Variants in CHD5 observed in about 807,000 individuals in gnomAD.
CHD5 encodes chromodomain helicase DNA binding protein 5.
Under a neutral mutation model 230.3 loss-of-function variants are expected in CHD5, and 69 were observed. The observed-to-expected ratio is 0.30, with a 90% CI of 0.25 to 0.37. CHD5 has a LOEUF of 0.37. CHD5 is among the 10% of genes least tolerant of loss of function. The probability of loss-of-function intolerance (pLI) is 1.00; values close to 1 mark genes in which losing one functional copy is unlikely to be tolerated. For synonymous variants in CHD5, 1,064 were observed against 1,065.9 expected (o/e 1.00, Z 0.03); for missense variants, 1,827 against 2,622.8 (o/e 0.70, Z 6.63).
At position 6,114,877 on chromosome 1, in the gene CHD5, G is replaced by A. The variant is rs372457041; in HGVS notation, c.4913-1879C>T. ...AAAAATACAAAAATTAGGCAGGTGT[G>A]GTGGCAGGCACCTGTAATCCCAGCT... On this transcript the variant is annotated intron_variant, in intron 33 of 41. Transcript: ENST00000262450. 6.6e-5 allele frequency among the ~76,000 whole-genome samples: 10 copies of A among 152,164 alleles called. No individual in the cohort carries two copies. The East Asian group carries it at 1.2e-3, about 18-fold the overall frequency.
intron 31 of CHD5, among the ~76,000 whole-genome samples, chr1:6,123,233 A>G (rs571313827): frequency 1.3e-5 from 2 of 152,304 alleles, no homozygotes; most frequent in Admixed American, 1.3e-4. Context: ...GTGCAGTGCC[A>G]TATACACGAA....
chr1:6,142,564 G>A lies in CHD5; in HGVS notation c.2085C>T (p.Ser695=), dbSNP rs1666844448. ...GGTACGGGTGCAGTGTGCCGCCTGT[G>A]GAGTCGATGTACCATGGCTGCTTGT... ...KFDKQPWYID[S]TGGTLHPYQL... The change falls in exon 14 of 42, where the codon TCC becomes TCT. Residue 695 remains serine (S), a synonymous_variant. Transcript: ENST00000262450. The surrounding 1 kb of genome is among the most constrained non-coding windows in gnomAD (Gnocchi z 5.2). 1 of 1,613,826 alleles carries A rather than the reference G, an allele frequency of 6.2e-7. No individual in the cohort carries two copies. Among genetic ancestry groups the A allele is most frequent in the Non-Finnish European group, 8.5e-7 (1 of 1,180,020 alleles).
At position 6,108,807 on chromosome 1, in the gene CHD5, G is replaced by A. The variant is rs140857637; in HGVS notation, c.5578+988C>T. Among the ~76,000 whole-genome samples, 1,418 of 149,190 alleles carry A rather than the reference G, an allele frequency of 9.5e-3. 10 individuals carry two copies. The highest frequency in any genetic ancestry group is 0.012 in the Non-Finnish European group (793 of 67,192). ...GGGATGGAAGGATGGAGGTGTGGAA[G>A]GATGGAGGGATAAGGGATGAGGGAT... On this transcript the variant is annotated intron_variant, in intron 38 of 41. Transcript: ENST00000262450.
chr1:6,133,278 T>C (rs1436378385), intron 20 of CHD5, among the ~76,000 whole-genome samples: 2 of 152,188 alleles, frequency 1.3e-5, no homozygotes, highest in Non-Finnish European at 2.9e-5. Flanking sequence ...ACCGAGGTAC[T>C]GGGGGGATGT....
chr1:6,113,554 A>G lies in CHD5; in HGVS notation c.4913-556T>C, dbSNP rs144998434. On this transcript the variant is annotated intron_variant, in intron 33 of 41. Coordinates refer to ENST00000262450, the MANE Select transcript of CHD5 (RefSeq NM_015557.3). ...AGGGGCCCCAGGTTGGGGTGATGAG[A>G]CACCAGGAAGAAGCCTGGAGAGCTT... The G allele has an allele frequency of 3.6e-3, 882 of 245,894 alleles. 2 individuals carry two copies. Among genetic ancestry groups the G allele is most frequent in the Non-Finnish European group, 5.2e-3 (619 of 119,638 alleles). 15.2% of individuals were successfully genotyped at this position (245,894 alleles called of 1,614,324 possible). A position where few individuals can be genotyped will look rare whatever the true frequency, so the allele number is the denominator to read the frequency against.
In CHD5 at chr1:6,106,481, C is replaced by T. The variant is rs1666169556; in HGVS notation, c.5771G>A (p.Ser1924Asn). The T allele has an allele frequency of 6.4e-7, 1 of 1,555,446 alleles. No homozygotes were observed. Among genetic ancestry groups the T allele is most frequent in the Non-Finnish European group, 8.7e-7 (1 of 1,149,850 alleles). The change falls in exon 40 of 42, where the codon AGC becomes AAC. Residue 1924 changes from serine (S) to asparagine (N), a missense_variant. Ser to Asn is a conservative substitution (Grantham distance 46). Around this residue, in one of 14 missense-constraint regions of CHD5, gnomAD observed 208 missense variants for 302.0 expected, o/e 0.69. Coordinates refer to ENST00000262450, the MANE Select transcript of CHD5 (RefSeq NM_015557.3). ...QGAFGSSQMY[S>N]NNFGPNFRGP... is the part of the protein sequence containing the mutation. Reference sequence around the variant, plus strand: ...CCGGAAGTTGGGCCCAAAGTTGTTGCTGTACATCTGGGAGGAGCCGAAAGC... The same window carrying T: ...CCGGAAGTTGGGCCCAAAGTTGTTGTTGTACATCTGGGAGGAGCCGAAAGC...
chr1:6,159,624 C>A (rs1667135861), intron 2 of CHD5, 109 bp from the exon 3 acceptor site: 1 of 834,552 alleles, frequency 1.2e-6, no homozygotes, highest in Non-Finnish European at 1.9e-6. Flanking sequence ...TGGGGATCGA[C>A]CGATCCCCAT....
intron 1 of CHD5, among the ~76,000 whole-genome samples, chr1:6,174,479 T>C (rs1035519653): frequency 4.0e-5 from 6 of 150,248 alleles, no homozygotes; most frequent in African/African-American, 2.5e-5. Flanking sequence ...GGATAGATGG[T>C]GGGTAGATGG....
At chr1:6,150,002 T>C (rs972950585) in intron 7 of CHD5, among the ~76,000 whole-genome samples, 8 of 56,586 alleles carry the variant, frequency 1.4e-4, no homozygotes, top group African/African-American at 1.4e-3. Context: ...GATGGACAAA[T>C]GGATGGATGG....
chr1:6,144,791 C>T (rs920885898), intron 11 of CHD5, among the ~76,000 whole-genome samples: 4 of 152,224 alleles, frequency 2.6e-5, no homozygotes, highest in Non-Finnish European at 5.9e-5. Flanking sequence ...GACTACCCCA[C>T]ACAGCAGTGC....
Position 6,130,180 on chromosome 1 carries a change from G to A in CHD5, c.3387+24C>T, listed in dbSNP as rs750810107. 3.1e-6 allele frequency: 5 copies of A among 1,613,092 alleles called. No individual in the cohort carries two copies. The Admixed American group carries it at 8.3e-5, about 27-fold the overall frequency. On this transcript the variant is annotated intron_variant, in intron 22 of 41. Coordinates refer to ENST00000262450, the MANE Select transcript of CHD5 (RefSeq NM_015557.3). This position sits in a 1 kb window ranked among gnomAD's most constrained non-coding sequence, Gnocchi z 4.9. ...CCGGGATGAGAGGCCCCCTGGGAGG[G>A]TGGTGGGCGGCAGCAGCACAGACCT...
Position 6,125,105 on chromosome 1 carries a change from C to A in CHD5, c.4389G>T (p.Glu1463Asp). The A allele has an allele frequency of 6.3e-7, 1 of 1,587,886 alleles. No individual in the cohort carries two copies. Among genetic ancestry groups the A allele is most frequent in the Non-Finnish European group, 8.6e-7 (1 of 1,167,000 alleles). Reference protein sequence around the residue: ...VRDLRGKSEKEFRAYVSLFMR... With the variant: ...VRDLRGKSEKDFRAYVSLFMR... ...CCACCACCTAGCCCCTTTACCTAAACTCCTTCTCGCTCTTCCCTCGAAGGT... is the reference window on the plus strand; with the variant it reads ...CCACCACCTAGCCCCTTTACCTAAAATCCTTCTCGCTCTTCCCTCGAAGGT... The change falls in exon 29 of 42, where the codon GAG (glutamate) becomes GAT (aspartate). Residue 1463 changes from glutamate (E) to aspartate (D), a missense_variant. Physicochemically the swap from Glu to Asp is conservative, Grantham distance 45. This residue lies in a region of CHD5 where 108 missense variants were observed against 152.4 expected (regional missense o/e 0.71). Transcript: ENST00000262450. The surrounding 1 kb of genome is among the most constrained non-coding windows in gnomAD (Gnocchi z 6.7).
chr1:6,128,799 C>A lies in CHD5; in HGVS notation c.3619+39G>T, dbSNP rs1464598273. 6.4e-7 allele frequency: 1 copy of A among 1,565,064 alleles called. No individual in the cohort carries two copies. The highest frequency in any genetic ancestry group is 1.7e-5 in the Admixed American group (1 of 59,614). ...TGGATGGGTGTCTCAGCCGGGCCAC[C>A]CCAGTCCCCTGCCACGCTCCCTCGG... On this transcript the variant is annotated intron_variant, in intron 23 of 41. Coordinates refer to ENST00000262450, the MANE Select transcript of CHD5 (RefSeq NM_015557.3). The surrounding 1 kb of genome is among the most constrained non-coding windows in gnomAD (Gnocchi z 7.8).
rs41279488 is a variant in CHD5 at position 6,146,588 on chromosome 1, C to A, written c.1590+77G>T. ...ACCCCTCAGTCAGAGGCGCTTCAGC[C>A]CCTTCCCGCCAGCCCAGGAGGGTCC... On this transcript the variant is annotated intron_variant, in intron 10 of 41. Coordinates refer to ENST00000262450, the MANE Select transcript of CHD5 (RefSeq NM_015557.3). The surrounding 1 kb of genome is among the most constrained non-coding windows in gnomAD (Gnocchi z 5.1). 0.07 allele frequency: 104,687 copies of A among 1,503,410 alleles called. 4,233 individuals are homozygous for A. The highest frequency in any genetic ancestry group is 0.16 in the Middle Eastern group (928 of 5,720). The allele number at this position is 1,503,410 out of a possible 1,614,324, so 93.1% of individuals were successfully genotyped here. A position where few individuals can be genotyped will look rare whatever the true frequency, so the allele number is the denominator to read the frequency against.
chr1:6,173,092 G>C (rs1034956382), intron 1 of CHD5, among the ~76,000 whole-genome samples: 30 of 148,540 alleles, frequency 2.0e-4, no homozygotes, highest in African/African-American at 7.8e-4. Flanking sequence ...CCAGGACCTG[G>C]GGAGAGGCGT....
intron 13 of CHD5, among the ~76,000 whole-genome samples, chr1:6,143,393 G>A (rs1034421656): frequency 1.3e-5 from 2 of 152,176 alleles, no homozygotes; most frequent in Non-Finnish European, 2.9e-5. Flanking sequence ...AATGGACCAG[G>A]CCCATCTGCC....
intron 2 of CHD5, among the ~76,000 whole-genome samples, chr1:6,161,314 T>G (rs1667174365): frequency 6.6e-6 from 1 of 152,068 alleles, no homozygotes; most frequent in Non-Finnish European, 1.5e-5. Flanking sequence ...CAACAGTTCG[T>G]GGAGGGGGAG....
At chr1:6,137,622 C>A (rs775178934) in intron 15 of CHD5, among the ~76,000 whole-genome samples, 5 of 152,212 alleles carry the variant, frequency 3.3e-5, no homozygotes, top group Non-Finnish European at 7.3e-5. Flanking sequence ...CGTGAGCTAC[C>A]GCACCTGGCC....
intron 2 of CHD5, among the ~76,000 whole-genome samples, chr1:6,160,331 C>T (rs1667152909): frequency 4.8e-5 from 4 of 83,116 alleles, no homozygotes; most frequent in Admixed American, 4.4e-4. Flanking sequence ...GGGAAGGGCC[C>T]CAGCAAGGGA....
Sources: allele counts gnomAD v4.1 joint callset (sites outside exome capture counted in the v4.1 genomes callset), GRCh38; gene constraint gnomAD v4.1.1; regional missense constraint gnomAD v4.1.1; non-coding constraint Gnocchi (gnomAD v3.1); transcripts MANE v1.5; gene names NCBI Gene and HGNC (gene_info 2026-07-23, HGNC 2026-07-21).